The following ANGPT2 variants were observed in gnomAD, a reference collection of about 807,000 sequenced individuals.
The protein encoded by ANGPT2 is angiopoietin 2.
In ANGPT2, 28 loss-of-function variants were observed where a neutral mutation model predicts 62.9. That is an observed-to-expected ratio of 0.44 (90% CI 0.33 to 0.61). The LOEUF is 0.61. ANGPT2 is among the 20% of genes least tolerant of loss of function. The probability of loss-of-function intolerance (pLI) is 0.03; values close to 1 mark genes in which losing one functional copy is unlikely to be tolerated. For missense variants in ANGPT2, 727 were observed against 594.9 expected, an observed-to-expected ratio of 1.22 and a Z score of -2.31; for synonymous variants, 284 against 207.8, an observed-to-expected ratio of 1.37 and a Z score of -3.15.
chr8:6,518,242 A>C (rs75409835), intron 5 of ANGPT2, among the ~76,000 whole-genome samples: 1 of 152,060 alleles, frequency 6.6e-6, no homozygotes, highest in Non-Finnish European at 1.5e-5. Flanking sequence ...CCCTCTTGAC[A>C]CTCCTGTCCC....
chr8:6,549,766 A>C (rs557987546), intron 1 of ANGPT2, among the ~76,000 whole-genome samples: 2 of 152,326 alleles, frequency 1.3e-5, no homozygotes, highest in South Asian at 4.1e-4. Context: ...CAGGGCAGCA[A>C]GTCCTCTATA....
In ANGPT2 at chr8:6,502,966, C is replaced by A; in HGVS notation, c.*135G>T. 3 of 975,794 alleles carry A rather than the reference C, an allele frequency of 3.1e-6. No homozygotes were observed. Among genetic ancestry groups the A allele is most frequent in the Non-Finnish European group, 1.5e-6 (1 of 659,188 alleles). 60.4% of individuals were successfully genotyped at this position (975,794 alleles called of 1,614,324 possible). On this transcript the variant is annotated 3_prime_UTR_variant, in exon 9 of 9. Transcript: ENST00000629816. Reference sequence around the variant, plus strand: ...AAAGTTTACAGGCTCTAATCTGGAGCATGTGGGTCCCGTCAGCACCGAGCA... The same window carrying A: ...AAAGTTTACAGGCTCTAATCTGGAGAATGTGGGTCCCGTCAGCACCGAGCA...
At chr8:6,528,337 A>C (rs140913240) in intron 2 of ANGPT2, among the ~76,000 whole-genome samples, 277 of 152,358 alleles carry the variant, frequency 1.8e-3, no homozygotes, top group African/African-American at 6.5e-3. Context: ...CATATTTCAT[A>C]GGTGGAAAGT....
chr8:6,548,258 C>T (rs930256694), intron 1 of ANGPT2, among the ~76,000 whole-genome samples: 2 of 152,124 alleles, frequency 1.3e-5, no homozygotes, highest in African/African-American at 4.8e-5. Context: ...CTTTCCTGCA[C>T]CCTGGCATTT....
chr8:6,523,835 C>T (rs976674637), intron 3 of ANGPT2, among the ~76,000 whole-genome samples: 13 of 151,636 alleles, frequency 8.6e-5, no homozygotes, highest in Admixed American at 7.9e-4. Flanking sequence ...GATTCGTCCA[C>T]CTCGGCCTTC....
intron 1 of ANGPT2, among the ~76,000 whole-genome samples, chr8:6,540,388 T>C (rs1042917261): frequency 2.0e-5 from 3 of 152,258 alleles, no homozygotes; most frequent in African/African-American, 7.2e-5. Flanking sequence ...AGGAGACTGC[T>C]GTAGTAACCT....
chr8:6,528,999 T>C (rs1426186290), intron 2 of ANGPT2, among the ~76,000 whole-genome samples: 1 of 152,218 alleles, frequency 6.6e-6, no homozygotes, highest in Non-Finnish European at 1.5e-5. Context: ...AAACATTCTA[T>C]GTTGGTTATT....
intron 1 of ANGPT2, among the ~76,000 whole-genome samples, chr8:6,534,388 G>A (rs1331825690): frequency 2.0e-5 from 3 of 152,154 alleles, no homozygotes; most frequent in African/African-American, 7.2e-5. Flanking sequence ...AGAGGCTTGA[G>A]CACCGTGGAT....
chr8:6,514,921 G>T (rs571789853), intron 5 of ANGPT2, 143 bp from the exon 6 acceptor site: 17 of 618,502 alleles, frequency 2.7e-5, no homozygotes, highest in East Asian at 1.0e-4. Context: ...AGACCATCGG[G>T]GTTGTCTAAG....
At chr8:6,555,122 T>A (rs1824361715) in intron 1 of ANGPT2, among the ~76,000 whole-genome samples, 3 of 152,210 alleles carry the variant, frequency 2.0e-5, no homozygotes, top group African/African-American at 4.8e-5. Flanking sequence ...TTTTTTACTC[T>A]TTTTATTTAC....
chr8:6,559,501 A>T (rs949749656), intron 1 of ANGPT2, among the ~76,000 whole-genome samples: 1 of 152,170 alleles, frequency 6.6e-6, no homozygotes, highest in Admixed American at 6.5e-5. Context: ...TGTGTTGTTT[A>T]AAAAACAAAC....
At chr8:6,555,120 TC>T (rs1824361348) in intron 1 of ANGPT2, among the ~76,000 whole-genome samples, 3 of 152,212 alleles carry the variant, frequency 2.0e-5, no homozygotes, top group African/African-American at 4.8e-5. Context: ...TTTTTTTTAC[TC>T]TTTTTATTTA....
intron 8 of ANGPT2, among the ~76,000 whole-genome samples, chr8:6,504,369 T>C (rs2129563858): frequency 6.6e-6 from 1 of 151,582 alleles, no homozygotes; most frequent in East Asian, 1.9e-4. Context: ...CATGCCGTTC[T>C]GAGTAACGGG....
intron 1 of ANGPT2, among the ~76,000 whole-genome samples, chr8:6,537,593 A>T (rs1392215885): frequency 6.6e-6 from 1 of 151,724 alleles, no homozygotes; most frequent in African/African-American, 2.4e-5. Flanking sequence ...TTTTAGTGCA[A>T]AATATGTTCT....
At chr8:6,511,004 T>C (rs1007822444) in intron 7 of ANGPT2, among the ~76,000 whole-genome samples, 2 of 152,236 alleles carry the variant, frequency 1.3e-5, no homozygotes, top group Admixed American at 6.5e-5. Flanking sequence ...TTCTTTCCAT[T>C]GTCTTCCCAT....
intron 7 of ANGPT2, among the ~76,000 whole-genome samples, chr8:6,510,158 C>CT (rs11395431): frequency 0.52 from 76,809 of 146,552 alleles, 20,444 homozygotes; most frequent in African/African-American, 0.66. Flanking sequence ...GTTGTTTTTT[C>CT]TTTTTTTTTT....
chr8:6,508,310 G>C (rs1482157589), intron 8 of ANGPT2: 1 of 152,490 alleles, frequency 6.6e-6, no homozygotes. Context: ...TTAGCCGGGT[G>C]CACTGGTGGG....
In ANGPT2 at chr8:6,556,933, C is replaced by T. The variant is rs1232880769; in HGVS notation, c.288+5714G>A. On this transcript the variant is annotated intron_variant, in intron 1 of 8. Coordinates refer to ENST00000629816, the MANE Select transcript of ANGPT2 (RefSeq NM_001118887.2). ...TCTGACTTCTTCTAGGCACCTAGAA[C>T]CAACACTGCCTGGACATGTGAAGGC... 1.3e-5 allele frequency among the ~76,000 whole-genome samples: 2 copies of T among 152,174 alleles called. 1 individual carries two copies. The highest frequency in any genetic ancestry group is 2.9e-5 in the Non-Finnish European group (2 of 68,034).
chr8:6,527,076 C>T (rs1818474070), intron 3 of ANGPT2, among the ~76,000 whole-genome samples: 1 of 152,144 alleles, frequency 6.6e-6, no homozygotes, highest in African/African-American at 2.4e-5. Flanking sequence ...GCTAAGTCCC[C>T]AAGGGCAAAG....
Sources: allele counts gnomAD v4.1 joint callset (sites outside exome capture counted in the v4.1 genomes callset), GRCh38; gene constraint gnomAD v4.1.1; transcripts MANE v1.5; gene names NCBI Gene and HGNC (gene_info 2026-07-23, HGNC 2026-07-21).